Variants in PPARGC1A observed in about 807,000 individuals in gnomAD.
The protein encoded by PPARGC1A is PPARG coactivator 1 alpha, also known as peroxisome proliferator-activated receptor gamma coactivator 1-alpha.
PPARGC1A carries 25 observed loss-of-function variants against 88.7 expected under a neutral mutation model. That is an observed-to-expected ratio of 0.28 (90% confidence interval 0.21 to 0.39). The LOEUF is 0.39. Ranked by LOEUF, PPARGC1A falls within the 10% of genes least tolerant of loss-of-function variation. PPARGC1A has a pLI of 1.00. For synonymous variants in PPARGC1A, 363 were observed against 355.6 expected (o/e 1.02, Z -0.24); for missense variants, 880 against 968.7 (o/e 0.91, Z 1.22).
the PPARGC1A span, among the ~76,000 whole-genome samples, chr4:24,366,701 C>A: frequency 6.6e-6 from 1 of 152,244 alleles, no homozygotes; most frequent in South Asian, 2.1e-4. Context: ...CCTGCTCTCC[C>A]CAAGACCTAA....
At chr4:23,797,226 G>A (rs1256509463) in intron 12 of PPARGC1A, among the ~76,000 whole-genome samples, 1 of 151,942 alleles carries the variant, frequency 6.6e-6, no homozygotes, top group African/African-American at 2.4e-5. Context: ...TTCCTCAATA[G>A]CATCTTAAAT....
chr4:24,225,522 T>C, the PPARGC1A span, among the ~76,000 whole-genome samples: 1 of 145,162 alleles, frequency 6.9e-6, no homozygotes. Context: ...AGAGCGAGAC[T>C]CCGTCTCAAA....
chr4:24,284,129 C>CA, the PPARGC1A span, among the ~76,000 whole-genome samples: 5,331 of 117,878 alleles, frequency 0.045, 166 homozygotes, highest in African/African-American at 0.096. Context: ...CTAAAAATAC[C>CA]AAAAAAAAAA....
the PPARGC1A span, among the ~76,000 whole-genome samples, chr4:24,051,362 A>T: frequency 0.068 from 10,317 of 152,174 alleles, 999 homozygotes; most frequent in African/African-American, 0.22. Flanking sequence ...AACACATTTT[A>T]AAAAAGCTAT....
chr4:23,969,687 T>C, the PPARGC1A span, among the ~76,000 whole-genome samples: 2 of 152,214 alleles, frequency 1.3e-5, no homozygotes, highest in Non-Finnish European at 2.9e-5. Flanking sequence ...CTTTCTCTAA[T>C]GTCTTTTTAA....
At chr4:24,139,988 C>T in the PPARGC1A span, among the ~76,000 whole-genome samples, 2 of 152,198 alleles carry the variant, frequency 1.3e-5, no homozygotes, top group South Asian at 2.1e-4. Flanking sequence ...AACAGGTTTG[C>T]TCCTTCCCTG....
At chr4:23,845,311 C>CT (rs1418176646) in intron 2 of PPARGC1A, among the ~76,000 whole-genome samples, 1 of 152,090 alleles carries the variant, frequency 6.6e-6, no homozygotes. Context: ...AAAAGAAGTG[C>CT]TTAGACGGCA....
At chr4:24,199,341 A>G in the PPARGC1A span, among the ~76,000 whole-genome samples, 1 of 152,282 alleles carries the variant, frequency 6.6e-6, no homozygotes, top group East Asian at 1.9e-4. Context: ...TGTCCTGGAG[A>G]CTATCACAGT....
intron 2 of PPARGC1A, 133 bp downstream of exon 2, chr4:23,884,619 G>A: frequency 1.5e-6 from 1 of 678,574 alleles, no homozygotes; most frequent in Non-Finnish European, 2.2e-6. Context: ...AAATTAGAAA[G>A]TATGTAACTG....
the PPARGC1A span, among the ~76,000 whole-genome samples, chr4:24,392,047 C>G: frequency 6.6e-6 from 1 of 152,040 alleles, no homozygotes; most frequent in Non-Finnish European, 1.5e-5. Flanking sequence ...ACCAGGGGAG[C>G]CTTAGGAGAA....
chr4:23,833,779 CTTTAATTGACGTTT>C (rs1289309920), intron 2 of PPARGC1A, among the ~76,000 whole-genome samples: 1 of 152,214 alleles, frequency 6.6e-6, no homozygotes, highest in Non-Finnish European at 1.5e-5. Context: ...TCCCCAGGGA[CTTTAATTGACGTTT>C]TTTAATTTGC....
At chr4:24,153,693 GA>G in the PPARGC1A span, among the ~76,000 whole-genome samples, 1 of 152,166 alleles carries the variant, frequency 6.6e-6, no homozygotes, top group Non-Finnish European at 1.5e-5. Flanking sequence ...ATGAAAATCT[GA>G]TGATATTATT....
Position 23,794,632 on chromosome 4 carries a change from A to C in PPARGC1A, c.*1190T>G, listed in dbSNP as rs1341813410. On this transcript the variant is annotated 3_prime_UTR_variant, in exon 13 of 13. Transcript: ENST00000264867. ...ATTTGAATATTCTTGATTAAGAAAA[A>C]TTTAGCAGTTTTGAAAAGAAGGCTG... The C allele has an allele frequency of 1.3e-5, 2 of 152,586 alleles. No individual in the cohort carries two copies. Among genetic ancestry groups the C allele is most frequent in the African/African-American group, 2.4e-5 (1 of 41,448 alleles). The allele number at this position is 152,586 out of a possible 1,614,324, so 9.5% of individuals were successfully genotyped here. A position where few individuals can be genotyped will look rare whatever the true frequency, so the allele number is the denominator to read the frequency against.
At chr4:24,135,746 T>A in the PPARGC1A span, among the ~76,000 whole-genome samples, 1 of 152,328 alleles carries the variant, frequency 6.6e-6, no homozygotes, top group African/African-American at 2.4e-5. Flanking sequence ...GAGCTGCTAC[T>A]GCTCCAGCAA....
At chr4:24,216,735 A>G in the PPARGC1A span, among the ~76,000 whole-genome samples, 2 of 152,294 alleles carry the variant, frequency 1.3e-5, no homozygotes, top group East Asian at 1.9e-4. Context: ...CTTAATACCA[A>G]AAAACAGGTA....
chr4:24,208,580 T>C, the PPARGC1A span, among the ~76,000 whole-genome samples: 6 of 151,252 alleles, frequency 4.0e-5, no homozygotes, highest in African/African-American at 1.2e-4. Flanking sequence ...GTACCCATTA[T>C]ATGTCAGACT....
the PPARGC1A span, among the ~76,000 whole-genome samples, chr4:24,095,534 C>G: frequency 6.6e-6 from 1 of 151,854 alleles, no homozygotes; most frequent in Non-Finnish European, 1.5e-5. Context: ...GTCACAGAGA[C>G]AGATGTAGAC....
chr4:23,937,493 GAAAAT>G, the PPARGC1A span, among the ~76,000 whole-genome samples: 6 of 148,048 alleles, frequency 4.1e-5, no homozygotes, highest in South Asian at 2.1e-4. Flanking sequence ...CTTTTCACTA[GAAAAT>G]AAAATAAAAT....
the PPARGC1A span, among the ~76,000 whole-genome samples, chr4:23,982,279 G>A: frequency 1.3e-5 from 2 of 152,154 alleles, no homozygotes; most frequent in Non-Finnish European, 2.9e-5. Context: ...ATCAGTCCTA[G>A]GCTGAAATGC....
Sources: gnomAD v4.1 joint callset for allele counts (sites outside exome capture counted in the v4.1 genomes callset) on GRCh38, gnomAD v4.1.1 for gene constraint, MANE v1.5 for transcripts, NCBI Gene and HGNC (gene_info 2026-07-23, HGNC 2026-07-21) for gene names.